SENP6: variants seen among roughly 807,000 people sequenced by gnomAD.
SENP6 encodes SUMO specific peptidase 6, also known as sentrin-specific protease 6.
In SENP6, 41 loss-of-function variants were observed where a neutral mutation model predicts 134.5. The observed-to-expected ratio is 0.30, with a 90% CI of 0.24 to 0.40. SENP6 has a LOEUF of 0.40. Among genes scored for constraint, SENP6 ranks in the 10% least tolerant of loss-of-function variants. SENP6 has a pLI of 1.00. For missense variants in SENP6, 1,248 were observed against 1,312.5 expected (o/e 0.95, Z 0.76); for synonymous variants, 395 against 429.8 (o/e 0.92, Z 1.00).
chr6:75,663,133 A>T, intron 8 of SENP6, 88 bp from the exon 9 acceptor site: 1 of 1,236,158 alleles, frequency 8.1e-7, no homozygotes, highest in Non-Finnish European at 1.1e-6. Context: ...TGGAACTTAA[A>T]GTTTATGAAC....
At chr6:75,704,694 G>A (rs192136254) in intron 19 of SENP6, among the ~76,000 whole-genome samples, 3 of 152,098 alleles carry the variant, frequency 2.0e-5, no homozygotes, top group Admixed American at 1.3e-4. Flanking sequence ...GGTCCTTCCC[G>A]TCCCACGAGG....
chr6:75,694,748 AATGT>A (rs1207961384), intron 16 of SENP6, among the ~76,000 whole-genome samples: 1 of 152,168 alleles, frequency 6.6e-6, no homozygotes, highest in Non-Finnish European at 1.5e-5. Context: ...TCATTGTATA[AATGT>A]AACACTTTAT....
rs1042818260 is a variant in SENP6, at chr6:75,626,339, T to A, written c.207+2379T>A. Among the ~76,000 whole-genome samples, 35 of 149,618 alleles carry A rather than the reference T, an allele frequency of 2.3e-4. No homozygotes were observed. In the South Asian group the frequency reaches 3.2e-3, roughly 13 times the overall value. On this transcript the variant is annotated intron_variant, in intron 3 of 23. Coordinates refer to ENST00000447266, the MANE Select transcript of SENP6 (RefSeq NM_015571.4). ...TTTAAAAATTATGTGGCTTAGCTTT[T>A]TATATATATATATATATGTAAGCAT... is the stretch of plus-strand genomic sequence containing the variant.
intron 3 of SENP6, among the ~76,000 whole-genome samples, chr6:75,630,656 T>G (rs1582710993): frequency 6.6e-6 from 1 of 152,236 alleles, no homozygotes. Flanking sequence ...TAGTTCACAG[T>G]GTCTTCATAT....
Position 75,709,123 on chromosome 6 carries a change from G to A in SENP6, c.2717-404G>A, listed in dbSNP as rs141704050. Among the ~76,000 whole-genome samples, 89 of 152,012 alleles carry A rather than the reference G, an allele frequency of 5.9e-4. No homozygotes were observed. In the East Asian group the frequency reaches 0.013, roughly 23 times the overall value. ...ATTATGCAGTTGCATTTTCTTTTATGTTCTATGACATGCTGTTTCTGTTAT... is the reference window on the plus strand; with the variant it reads ...ATTATGCAGTTGCATTTTCTTTTATATTCTATGACATGCTGTTTCTGTTAT... On this transcript the variant is annotated intron_variant, in intron 19 of 23. Coordinates refer to ENST00000447266, the MANE Select transcript of SENP6 (RefSeq NM_015571.4).
chr6:75,639,207 T>C lies in SENP6; in HGVS notation c.459-1477T>C, dbSNP rs979360957. 7.2e-5 allele frequency among the ~76,000 whole-genome samples: 11 copies of C among 152,326 alleles called. No individual in the cohort carries two copies. In the East Asian group the frequency reaches 2.1e-3, roughly 29 times the overall value. ...CTATATAAGAAATAAATACATAGGATAGGACAGACTAGATTTAAACTTTTA... is the reference window on the plus strand; with the variant it reads ...CTATATAAGAAATAAATACATAGGACAGGACAGACTAGATTTAAACTTTTA... On this transcript the variant is annotated intron_variant, in intron 5 of 23. Coordinates refer to ENST00000447266, the MANE Select transcript of SENP6 (RefSeq NM_015571.4).
chr6:75,638,580 GTGTGTGTGTGTATATATATATATA>G (rs1457278432), intron 5 of SENP6, among the ~76,000 whole-genome samples: 1 of 31,914 alleles, frequency 3.1e-5, no homozygotes, highest in Non-Finnish European at 5.3e-5. Flanking sequence ...GTGTGTGTGT[GTGTGTGTGTGTATATATATATATA>G]TATATATATA....
intron 2 of SENP6, chr6:75,622,945 C>A: frequency 3.5e-6 from 2 of 563,966 alleles, no homozygotes; most frequent in Non-Finnish European, 2.6e-6. Context: ...AAATATAAAA[C>A]AATTATTCAG....
At chr6:75,652,989 T>C (rs1435201593) in intron 7 of SENP6, among the ~76,000 whole-genome samples, 1 of 152,098 alleles carries the variant, frequency 6.6e-6, no homozygotes, top group East Asian at 1.9e-4. Flanking sequence ...ATCTTTGATG[T>C]ATATATCTTT....
At chr6:75,640,449 A>AT (rs777182358) in intron 5 of SENP6, among the ~76,000 whole-genome samples, 4 of 148,298 alleles carry the variant, frequency 2.7e-5, no homozygotes, top group African/African-American at 9.7e-5. Flanking sequence ...CCCTTTTAAG[A>AT]TTTTTTTATA....
chr6:75,666,336 G>C (rs929611624), intron 9 of SENP6, among the ~76,000 whole-genome samples: 1 of 148,848 alleles, frequency 6.7e-6, no homozygotes, highest in African/African-American at 2.4e-5. Flanking sequence ...TCTATTTTGT[G>C]AACAAGTTGT....
intron 1 of SENP6, among the ~76,000 whole-genome samples, chr6:75,617,986 C>T (rs1211333352): frequency 6.6e-6 from 1 of 152,166 alleles, no homozygotes; most frequent in African/African-American, 2.4e-5. Context: ...TGCTGAAGTG[C>T]TATTTTCATC....
rs772615345 is a variant in SENP6, at chr6:75,675,879, A to G, written c.1446A>G (p.Val482=). ...CTCCAGAACCAGACCATGATCCTGT[A>G]GAGATTATATTAAATACCTCTGATC... is the stretch of plus-strand genomic sequence containing the variant. ...IQLDEPDHDP[V]EIILNTSDLT... is the part of the protein sequence containing the mutation. The change falls in exon 13 of 24, where the codon GTA becomes GTG. Residue 482 remains valine (V), a synonymous_variant. Transcript: ENST00000447266. The G allele has an allele frequency of 6.9e-6, 11 of 1,599,080 alleles. No homozygotes were observed. The South Asian group carries it at 1.1e-4, about 17-fold the overall frequency.
At chr6:75,639,489 A>G (rs1293901550) in intron 5 of SENP6, among the ~76,000 whole-genome samples, 2 of 152,076 alleles carry the variant, frequency 1.3e-5, no homozygotes, top group African/African-American at 4.8e-5. Flanking sequence ...CATACTCCAC[A>G]TGATAGGAGT....
intron 6 of SENP6, among the ~76,000 whole-genome samples, chr6:75,645,907 A>G (rs545559959): frequency 6.6e-6 from 1 of 152,246 alleles, no homozygotes; most frequent in Admixed American, 6.5e-5. Context: ...TAATGTTACA[A>G]TACTTGGTAA....
At chr6:75,636,039 G>T (rs1007030273) in intron 5 of SENP6, among the ~76,000 whole-genome samples, 1 of 151,508 alleles carries the variant, frequency 6.6e-6, no homozygotes, top group Non-Finnish European at 1.5e-5. Flanking sequence ...TTCCTCACTG[G>T]TAATGTTAAA....
intron 11 of SENP6, among the ~76,000 whole-genome samples, chr6:75,673,220 C>T (rs535108360): frequency 8.5e-4 from 129 of 151,934 alleles, no homozygotes; most frequent in Non-Finnish European, 1.4e-3. Context: ...ACCACATATG[C>T]ACAAATTCAT....
At chr6:75,644,463 ATTTC>A (rs545359052) in intron 6 of SENP6, among the ~76,000 whole-genome samples, 20 of 147,382 alleles carry the variant, frequency 1.4e-4, no homozygotes, top group South Asian at 2.2e-4. Context: ...TAGCTGGTAA[ATTTC>A]TTTCTTTCTT....
intron 16 of SENP6, among the ~76,000 whole-genome samples, chr6:75,690,032 T>C (rs1488203782): frequency 2.0e-5 from 3 of 152,128 alleles, no homozygotes; most frequent in African/African-American, 7.2e-5. Flanking sequence ...CTGCCTCAGC[T>C]TCCTAAGTAG....
Sources: allele counts gnomAD v4.1 joint callset (sites outside exome capture counted in the v4.1 genomes callset), GRCh38; gene constraint gnomAD v4.1.1; transcripts MANE v1.5; gene names NCBI Gene and HGNC (gene_info 2026-07-23, HGNC 2026-07-21).